The following IL1RAPL1 variants were observed in gnomAD, a reference collection of about 807,000 sequenced individuals.
IL1RAPL1 encodes interleukin-1 receptor accessory protein-like 1.
In IL1RAPL1, 3 loss-of-function variants were observed where a neutral mutation model predicts 48.4. The observed-to-expected ratio is 0.06, with a 90% CI of 0.03 to 0.16. IL1RAPL1 has a LOEUF of 0.16. Among genes scored for constraint, IL1RAPL1 ranks in the 10% least tolerant of loss-of-function variants. The pLI is 1.00. For synonymous variants in IL1RAPL1, 185 were observed against 187.7 expected (o/e 0.99, Z 0.12); for missense variants, 349 against 530.6 (o/e 0.66, Z 3.36).
chrX:28,889,863 G>A (rs1456569898), intron 2 of IL1RAPL1, among the ~76,000 whole-genome samples: 1 of 109,998 alleles, frequency 9.1e-6, no homozygotes, highest in South Asian at 3.9e-4. Context: ...GCCTTTTGTC[G>A]GCATCTATTA....
At chrX:29,868,509 C>T (rs1297641732) in intron 6 of IL1RAPL1, among the ~76,000 whole-genome samples, 4 of 111,966 alleles carry the variant, frequency 3.6e-5, no homozygotes, top group Non-Finnish European at 7.5e-5. Context: ...GGCTAGGCCC[C>T]CTGCTCTAAT....
chrX:29,202,720 G>T (rs769923506), intron 2 of IL1RAPL1, among the ~76,000 whole-genome samples: 5 of 111,918 alleles, frequency 4.5e-5, no homozygotes, highest in African/African-American at 1.6e-4. Context: ...AACATGGATG[G>T]AGCTGGAGGC....
In IL1RAPL1 at chrX:28,922,766, TC is replaced by T. The variant is rs761988300; in HGVS notation, c.82+133342del. Among the ~76,000 whole-genome samples, 556 of 112,152 alleles carry T rather than the reference TC, an allele frequency of 5.0e-3. 1 individual carries two copies. Among genetic ancestry groups the T allele is most frequent in the Middle Eastern group, 0.032 (7 of 217 alleles). ...TTCTTGAATGACAAAATTGACATTA[TC>T]TACTACTTATATAAGGAGACTACAT... is the stretch of plus-strand genomic sequence containing the variant. On this transcript the variant is annotated intron_variant, in intron 2 of 10. Coordinates refer to ENST00000378993, the MANE Select transcript of IL1RAPL1 (RefSeq NM_014271.4).
intron 1 of IL1RAPL1, among the ~76,000 whole-genome samples, chrX:28,601,936 C>CT (rs1569136197): frequency 9.1e-6 from 1 of 109,532 alleles, no homozygotes; most frequent in Non-Finnish European, 1.9e-5. Flanking sequence ...GAAACCCCGT[C>CT]TCTACTAAAA....
At chrX:29,918,674 CCTTT>C (rs1932823335) in intron 7 of IL1RAPL1, among the ~76,000 whole-genome samples, 1 of 110,912 alleles carries the variant, frequency 9.0e-6, no homozygotes, top group Non-Finnish European at 1.9e-5. Flanking sequence ...GTGTTTATCG[CCTTT>C]CTTAGTCTGA....
intron 1 of IL1RAPL1, among the ~76,000 whole-genome samples, chrX:28,744,380 G>A (rs961993485): frequency 1.8e-5 from 2 of 111,271 alleles, no homozygotes; most frequent in Non-Finnish European, 3.8e-5. Flanking sequence ...TATAAAGATG[G>A]GCAGACTGAA....
At chrX:29,078,737 G>A (rs1258947586) in intron 2 of IL1RAPL1, among the ~76,000 whole-genome samples, 1 of 111,669 alleles carries the variant, frequency 9.0e-6, no homozygotes, top group Non-Finnish European at 1.9e-5. Flanking sequence ...ATAAGGGAAA[G>A]GGAAACTCTA....
chrX:28,737,345 C>T (rs1171887108), intron 1 of IL1RAPL1, among the ~76,000 whole-genome samples: 1 of 107,365 alleles, frequency 9.3e-6, no homozygotes, highest in African/African-American at 3.4e-5. Flanking sequence ...CAACCTCTGC[C>T]TCCCAGACTT....
intron 1 of IL1RAPL1, among the ~76,000 whole-genome samples, chrX:28,684,675 A>C (rs938472403): frequency 8.9e-6 from 1 of 111,890 alleles, no homozygotes; most frequent in Non-Finnish European, 1.9e-5. Flanking sequence ...ATGGTTGTTC[A>C]GCAGTCCATA....
At chrX:29,710,209 T>C (rs972064290) in intron 6 of IL1RAPL1, among the ~76,000 whole-genome samples, 28 of 111,644 alleles carry the variant, frequency 2.5e-4, no homozygotes, top group African/African-American at 8.4e-4. Context: ...TACATACAAG[T>C]AGCAAGAGTT....
intron 6 of IL1RAPL1, among the ~76,000 whole-genome samples, chrX:29,672,998 C>T (rs1034819632): frequency 5.4e-5 from 6 of 111,637 alleles, no homozygotes; most frequent in African/African-American, 1.9e-4. Context: ...CCAATATATG[C>T]AATTTTATCC....
At chrX:29,252,135 G>C (rs1352442687) in intron 2 of IL1RAPL1, among the ~76,000 whole-genome samples, 2 of 107,512 alleles carry the variant, frequency 1.9e-5, no homozygotes, top group Non-Finnish European at 3.9e-5. Context: ...GGAGGGGGGA[G>C]GGATAGCTTT....
intron 2 of IL1RAPL1, among the ~76,000 whole-genome samples, chrX:28,968,397 G>A (rs1203422385): frequency 9.0e-6 from 1 of 111,168 alleles, no homozygotes; most frequent in African/African-American, 3.3e-5. Context: ...TCATACTCAT[G>A]ACTTATCATA....
At chrX:29,605,692 T>C (rs1357324685) in intron 5 of IL1RAPL1, among the ~76,000 whole-genome samples, 1 of 112,196 alleles carries the variant, frequency 8.9e-6, no homozygotes, top group Non-Finnish European at 1.9e-5. Context: ...TTATTATGGC[T>C]TTGAGACATC....
intron 6 of IL1RAPL1, among the ~76,000 whole-genome samples, chrX:29,782,887 C>CT (rs1569167260): frequency 5.8e-4 from 35 of 59,852 alleles, no homozygotes; most frequent in African/African-American, 1.5e-3. Flanking sequence ...TTGATCGTGA[C>CT]ATTTTTTTTT....
chrX:29,018,195 A>G (rs189352613), intron 2 of IL1RAPL1, among the ~76,000 whole-genome samples: 12 of 112,108 alleles, frequency 1.1e-4, no homozygotes, highest in African/African-American at 3.6e-4. Flanking sequence ...TGCTCTAGCA[A>G]TTGATCTATG....
chrX:29,269,655 C>G lies in IL1RAPL1; in HGVS notation c.83-13283C>G, dbSNP rs1193074587. ...TTTTTTTTCTGTGCTGCCATCATCT[C>G]TCACCTGAACTATTGCAGTGATCTT... On this transcript the variant is annotated intron_variant, in intron 2 of 10. Transcript: ENST00000378993. Among the ~76,000 whole-genome samples, 5 of 105,528 alleles carry G rather than the reference C, an allele frequency of 4.7e-5. No individual in the cohort carries two copies. The Admixed American group carries it at 5.2e-4, about 11-fold the overall frequency. The allele number at this position is 105,528 out of a possible 115,157, so 91.6% of individuals were successfully genotyped here. A position where few individuals can be genotyped will look rare whatever the true frequency, so the allele number is the denominator to read the frequency against.
chrX:28,645,793 A>C (rs1232830511), intron 1 of IL1RAPL1, among the ~76,000 whole-genome samples: 1 of 111,778 alleles, frequency 8.9e-6, no homozygotes, highest in African/African-American at 3.3e-5. Context: ...GGCTTCATGC[A>C]ATATGCTTTG....
intron 6 of IL1RAPL1, among the ~76,000 whole-genome samples, chrX:29,846,330 T>A (rs1431021463): frequency 9.0e-6 from 1 of 111,190 alleles, no homozygotes; most frequent in African/African-American, 3.3e-5. Context: ...TTGTTTCCCG[T>A]CCCCTTGCTG....
Sources: allele counts gnomAD v4.1 joint callset (sites outside exome capture counted in the v4.1 genomes callset), GRCh38; gene constraint gnomAD v4.1.1; transcripts MANE v1.5; gene names NCBI Gene and HGNC (gene_info 2026-07-23, HGNC 2026-07-21).